FOXP2: variants seen among roughly 807,000 people sequenced by gnomAD.
The protein encoded by FOXP2 is forkhead box P2.
FOXP2 carries 12 observed loss-of-function variants against 115.8 expected under a neutral mutation model. The observed-to-expected ratio is 0.10, with a 90% CI of 0.07 to 0.17. The LOEUF (loss-of-function observed/expected upper bound fraction) is 0.17, where lower values mean the gene tolerates loss of function less well. Ranked by LOEUF, FOXP2 falls within the 10% of genes least tolerant of loss-of-function variation. FOXP2 has a pLI of 1.00. For synonymous variants in FOXP2, 328 were observed against 297.7 expected (o/e 1.10, Z -1.05); for missense variants, 629 against 843.5 (o/e 0.75, Z 3.15).
At chr7:114,549,486 T>G (rs1800095233) in intron 3 of FOXP2, among the ~76,000 whole-genome samples, 1 of 152,170 alleles carries the variant, frequency 6.6e-6, no homozygotes, top group African/African-American at 2.4e-5. Flanking sequence ...GCTGCCCCAT[T>G]CTGGAGGATG....
chr7:114,246,615 CA>C (rs541498584), intron 1 of FOXP2, among the ~76,000 whole-genome samples: 51 of 152,028 alleles, frequency 3.4e-4, no homozygotes, highest in Non-Finnish European at 5.6e-4. Flanking sequence ...CTAATTCATT[CA>C]TTTTTTTCAA....
intron 2 of FOXP2, among the ~76,000 whole-genome samples, chr7:114,377,552 G>T (rs1013049754): frequency 6.6e-6 from 1 of 152,204 alleles, no homozygotes; most frequent in African/African-American, 2.4e-5. Context: ...CATATTCCCT[G>T]TTGGATATGC....
At chr7:114,560,479 G>A (rs4355713) in intron 3 of FOXP2, among the ~76,000 whole-genome samples, 74,074 of 151,834 alleles carry the variant, frequency 0.49, 19,120 homozygotes, top group East Asian at 0.74. Flanking sequence ...AGCCAGGCAT[G>A]GTGGCACACA....
intron 3 of FOXP2, among the ~76,000 whole-genome samples, chr7:114,615,173 C>G (rs557597410): frequency 6.6e-6 from 1 of 152,024 alleles, no homozygotes; most frequent in South Asian, 2.1e-4. Flanking sequence ...GAGCCGAGAT[C>G]GTGCCACTGC....
intron 1 of FOXP2, among the ~76,000 whole-genome samples, chr7:114,096,192 G>C (rs182826058): frequency 9.2e-5 from 14 of 152,138 alleles, no homozygotes; most frequent in Non-Finnish European, 1.8e-4. Context: ...GAAAGCCGGG[G>C]ATAATAATTA....
intron 1 of FOXP2, among the ~76,000 whole-genome samples, chr7:114,116,986 A>G (rs1357097115): frequency 7.2e-5 from 11 of 152,050 alleles, no homozygotes. Flanking sequence ...AAGTTAATAC[A>G]TATATCCAGA....
At chr7:114,438,932 A>C (rs548266699) in intron 2 of FOXP2, among the ~76,000 whole-genome samples, 1 of 152,192 alleles carries the variant, frequency 6.6e-6, no homozygotes, top group Non-Finnish European at 1.5e-5. Flanking sequence ...ACAGAAGTAG[A>C]TGTTAATGTG....
chr7:114,265,749 TG>T (rs969509814), intron 1 of FOXP2, among the ~76,000 whole-genome samples: 1 of 152,036 alleles, frequency 6.6e-6, no homozygotes, highest in African/African-American at 2.4e-5. Flanking sequence ...GAAATGTAGG[TG>T]GAGGCTGCCA....
chr7:114,219,913 C>T (rs1325145385), intron 1 of FOXP2, among the ~76,000 whole-genome samples: 1 of 151,822 alleles, frequency 6.6e-6, no homozygotes, highest in Non-Finnish European at 1.5e-5. Flanking sequence ...ACTGGCCAGG[C>T]TGGAGTGCAG....
intron 1 of FOXP2, among the ~76,000 whole-genome samples, chr7:114,226,765 C>T (rs1794757994): frequency 6.6e-6 from 1 of 151,964 alleles, no homozygotes; most frequent in African/African-American, 2.4e-5. Flanking sequence ...TTATCTTAAT[C>T]ATTCTCTTTG....
chr7:114,292,807 T>C (rs1456170460), intron 2 of FOXP2, among the ~76,000 whole-genome samples: 1 of 152,228 alleles, frequency 6.6e-6, no homozygotes, highest in African/African-American at 2.4e-5. Flanking sequence ...TCTTACAATG[T>C]TGCATATAAT....
intron 16 of FOXP2, among the ~76,000 whole-genome samples, chr7:114,677,039 G>A (rs1025787559): frequency 2.6e-5 from 4 of 151,812 alleles, no homozygotes; most frequent in East Asian, 1.9e-4. Context: ...GGTTGCGCGC[G>A]CCTGTAGTCC....
chr7:114,632,707 G>A (rs1487284647), intron 6 of FOXP2, among the ~76,000 whole-genome samples: 1 of 151,776 alleles, frequency 6.6e-6, no homozygotes, highest in Non-Finnish European at 1.5e-5. Flanking sequence ...TTTTCCCCCT[G>A]GTTTTCCTCT....
intron 16 of FOXP2, among the ~76,000 whole-genome samples, chr7:114,683,287 C>T (rs1808193326): frequency 6.6e-6 from 1 of 152,152 alleles, no homozygotes; most frequent in Non-Finnish European, 1.5e-5. Context: ...CTGTGAAGTT[C>T]ACAGTCTACT....
chr7:114,578,241 C>T (rs762819047), intron 3 of FOXP2, among the ~76,000 whole-genome samples: 2 of 151,990 alleles, frequency 1.3e-5, no homozygotes, highest in South Asian at 4.1e-4. Context: ...TGCGTATCTA[C>T]TCTTTTCTCC....
intron 1 of FOXP2, among the ~76,000 whole-genome samples, chr7:114,156,328 A>G (rs1035700331): frequency 3.3e-5 from 5 of 152,076 alleles, no homozygotes; most frequent in African/African-American, 7.2e-5. Context: ...TGCTCTGCTC[A>G]TGTCTGACTA....
intron 2 of FOXP2, among the ~76,000 whole-genome samples, chr7:114,453,807 C>A (rs925902845): frequency 4.5e-4 from 68 of 152,200 alleles, no homozygotes; most frequent in Admixed American, 1.0e-3. Flanking sequence ...GGAAAACTGG[C>A]TAGCCATATG....
intron 16 of FOXP2, among the ~76,000 whole-genome samples, chr7:114,686,220 T>A (rs1808357879): frequency 6.6e-6 from 1 of 152,014 alleles, no homozygotes; most frequent in African/African-American, 2.4e-5. Context: ...TCACCCAGGC[T>A]GGAGTCCAGT....
At chr7:114,624,243 C>G (rs13438057) in intron 3 of FOXP2, among the ~76,000 whole-genome samples, 17,324 of 151,752 alleles carry the variant, frequency 0.11, 1,089 homozygotes, top group Middle Eastern at 0.18. Context: ...AACATAAGAA[C>G]AAATTTTGCT....
Sources: gnomAD v4.1 joint callset for allele counts (sites outside exome capture counted in the v4.1 genomes callset) on GRCh38, gnomAD v4.1.1 for gene constraint, MANE v1.5 for transcripts, NCBI Gene and HGNC (gene_info 2026-07-23, HGNC 2026-07-21) for gene names.